DISC1: variants seen among roughly 807,000 people sequenced by gnomAD.
DISC1 encodes the protein DISC1 scaffold protein, also known as disrupted in schizophrenia 1 protein.
In DISC1, 57 loss-of-function variants were observed where a neutral mutation model predicts 84.5. That is an observed-to-expected ratio of 0.67 (90% CI 0.55 to 0.84). The LOEUF is 0.84. DISC1 is among the 40% of genes least tolerant of loss of function. The pLI is 0.00. For synonymous variants in DISC1, 411 were observed against 415.2 expected, an observed-to-expected ratio of 0.99 and a Z score of 0.12; for missense variants, 1,000 against 1,057.8, an observed-to-expected ratio of 0.95 and a Z score of 0.76.
At position 231,643,839 on chromosome 1, in the gene DISC1, A is replaced by G. The variant is rs2059920934; in HGVS notation, c.67+16905A>G. Among the ~76,000 whole-genome samples the G allele has an allele frequency of 2.0e-5, 3 of 152,144 alleles. No homozygotes were observed. In the South Asian group the frequency reaches 6.2e-4, roughly 32 times the overall value. ...CGCTGTGCAGGTGACGTCCCACACA[A>G]TGGTACTGGCCGAGGGGTGAATGGA... On this transcript the variant is annotated intron_variant, in intron 1 of 12. Coordinates refer to ENST00000439617, the MANE Select transcript of DISC1 (RefSeq NM_018662.3).
intron 10 of DISC1, among the ~76,000 whole-genome samples, chr1:231,968,799 A>G (rs1454126878): frequency 1.3e-5 from 2 of 151,868 alleles, no homozygotes; most frequent in Non-Finnish European, 2.9e-5. Context: ...GAGGATTGTT[A>G]TTTTCAAGTA....
intron 9 of DISC1, among the ~76,000 whole-genome samples, chr1:231,853,383 G>A (rs569254390): frequency 2.6e-5 from 4 of 152,304 alleles, no homozygotes; most frequent in South Asian, 2.1e-4. Flanking sequence ...CCCAGGCTAC[G>A]TGGTGCAGCC....
At position 231,917,759 on chromosome 1, in the gene DISC1, A is replaced by G. The variant is rs199971124; in HGVS notation, c.1982-41069A>G. ...ACTGTTCTTCCCCGCCTTAAAGGAC[A>G]TAATCTAACCTCTGGACATGGACTA... On this transcript the variant is annotated intron_variant, in intron 9 of 12. Transcript: ENST00000439617. 2.0e-3 allele frequency among the ~76,000 whole-genome samples: 311 copies of G among 152,356 alleles called. 5 individuals carry two copies. Among genetic ancestry groups the G allele is most frequent in the Non-Finnish European group, 1.7e-3 (114 of 68,028 alleles).
chr1:231,999,731 G>C (rs1572566720), intron 10 of DISC1, among the ~76,000 whole-genome samples: 2 of 152,186 alleles, frequency 1.3e-5, no homozygotes, highest in East Asian at 1.9e-4. Flanking sequence ...CTGGGGGGAG[G>C]CCCCTTCTGC....
chr1:231,668,362 G>A (rs2062224319), intron 1 of DISC1, among the ~76,000 whole-genome samples: 1 of 152,140 alleles, frequency 6.6e-6, no homozygotes, highest in Non-Finnish European at 1.5e-5. Context: ...TATAACATGT[G>A]TTTTCCTGTT....
chr1:231,972,277 A>T (rs1662091851), intron 10 of DISC1, among the ~76,000 whole-genome samples: 1 of 152,196 alleles, frequency 6.6e-6, no homozygotes, highest in Admixed American at 6.5e-5. Context: ...TGTGTGGCTT[A>T]TTGGAGCATG....
intron 9 of DISC1, among the ~76,000 whole-genome samples, chr1:231,939,637 A>G (rs1354652698): frequency 2.6e-5 from 4 of 152,052 alleles, no homozygotes; most frequent in Non-Finnish European, 4.4e-5. Context: ...ATCAGCCCGG[A>G]CATTCAGTTT....
chr1:231,629,041 T>G (rs777243775), intron 1 of DISC1, among the ~76,000 whole-genome samples: 7 of 152,166 alleles, frequency 4.6e-5, no homozygotes, highest in Admixed American at 2.0e-4. Context: ...CCAACCTCCA[T>G]CCTGCATATC....
intron 9 of DISC1, among the ~76,000 whole-genome samples, chr1:231,910,954 T>C (rs1431267382): frequency 1.3e-5 from 2 of 152,212 alleles, no homozygotes; most frequent in African/African-American, 4.8e-5. Context: ...TCTTTTGATC[T>C]TTGTTGGTTT....
rs1334650902 is a variant in DISC1, at chr1:231,868,708, A to G, written c.1981+50191A>G. Among the ~76,000 whole-genome samples the G allele has an allele frequency of 6.4e-5, 4 of 62,700 alleles. 1 individual carries two copies. The East Asian group carries it at 1.3e-3, about 20-fold the overall frequency. 41.1% of individuals were successfully genotyped at this position (62,700 alleles called of 152,430 possible). On this transcript the variant is annotated intron_variant, in intron 9 of 12. Coordinates refer to ENST00000439617, the MANE Select transcript of DISC1 (RefSeq NM_018662.3). Reference sequence around the variant, plus strand: ...CCCCATCTCTTATATATATATATATATATATATATATATATATATATATAT... The same window carrying G: ...CCCCATCTCTTATATATATATATATGTATATATATATATATATATATATAT...
chr1:231,927,693 A>G (rs528230253), intron 9 of DISC1, among the ~76,000 whole-genome samples: 1 of 152,302 alleles, frequency 6.6e-6, no homozygotes, highest in African/African-American at 2.4e-5. Context: ...GAGGACACAC[A>G]AGTAAGTAAA....
intron 6 of DISC1, among the ~76,000 whole-genome samples, chr1:231,775,327 C>T (rs202013985): frequency 3.3e-5 from 5 of 152,340 alleles, no homozygotes; most frequent in East Asian, 3.9e-4. Context: ...TGGAGACTTA[C>T]GTGCTTACAT....
chr1:231,995,554 T>G (rs1195019248), intron 10 of DISC1, among the ~76,000 whole-genome samples: 1 of 152,022 alleles, frequency 6.6e-6, no homozygotes, highest in East Asian at 1.9e-4. Flanking sequence ...TGTGTTCTCA[T>G]TGTTCAATTC....
intron 10 of DISC1, among the ~76,000 whole-genome samples, chr1:231,992,288 G>A (rs1374153140): frequency 2.0e-5 from 3 of 152,184 alleles, no homozygotes; most frequent in African/African-American, 7.2e-5. Context: ...TATATTGGAT[G>A]CAAATCACGT....
At chr1:231,802,344 G>A (rs147399982) in intron 8 of DISC1, among the ~76,000 whole-genome samples, 83 of 152,212 alleles carry the variant, frequency 5.5e-4, no homozygotes, top group African/African-American at 1.9e-3. Flanking sequence ...AGTTCTTCCT[G>A]CATTCATTCT....
At chr1:231,905,201 G>T (rs1182398753) in intron 9 of DISC1, among the ~76,000 whole-genome samples, 2 of 152,170 alleles carry the variant, frequency 1.3e-5, no homozygotes, top group African/African-American at 4.8e-5. Flanking sequence ...TCAGATCTGG[G>T]ATTTCCCAAC....
chr1:231,730,756 T>C (rs2071409948), intron 3 of DISC1, among the ~76,000 whole-genome samples: 1 of 152,228 alleles, frequency 6.6e-6, no homozygotes, highest in African/African-American at 2.4e-5. Flanking sequence ...CTATACCTAA[T>C]AAACTTCAGT....
At chr1:231,933,365 T>C (rs187728800) in intron 9 of DISC1, among the ~76,000 whole-genome samples, 1 of 152,326 alleles carries the variant, frequency 6.6e-6, no homozygotes, top group Admixed American at 6.5e-5. Context: ...GCTTTGAAAG[T>C]AGAAACAAGT....
chr1:231,849,538 G>A (rs563530775), intron 9 of DISC1, among the ~76,000 whole-genome samples: 1 of 152,280 alleles, frequency 6.6e-6, no homozygotes, highest in South Asian at 2.1e-4. Context: ...ATGGTGGTGT[G>A]TGTGTGTGGT....
Sources: gnomAD v4.1 joint callset for allele counts (sites outside exome capture counted in the v4.1 genomes callset) on GRCh38, gnomAD v4.1.1 for gene constraint, MANE v1.5 for transcripts, NCBI Gene and HGNC (gene_info 2026-07-23, HGNC 2026-07-21) for gene names.